UNC5D: variants seen among roughly 807,000 people sequenced by gnomAD.
UNC5D encodes netrin receptor UNC5D.
In UNC5D, 39 loss-of-function variants were observed where a neutral mutation model predicts 105.4. The ratio of observed to expected loss-of-function variants is 0.37; its 90% confidence interval spans 0.29 to 0.48. The LOEUF is 0.48. UNC5D is among the 20% of genes least tolerant of loss of function. The pLI is 0.98. For missense variants in UNC5D, 991 were observed against 1,202.4 expected (o/e 0.82, Z 2.60); for synonymous variants, 452 against 450.4 (o/e 1.00, Z -0.04).
At chr8:35,305,893 TTC>T (rs571356213) in intron 1 of UNC5D, among the ~76,000 whole-genome samples, 2,236 of 143,756 alleles carry the variant, frequency 0.016, 17 homozygotes, top group Middle Eastern at 0.039. Flanking sequence ...TTCTTTCTTT[TTC>T]TCTCTTTCTT....
intron 10 of UNC5D, among the ~76,000 whole-genome samples, chr8:35,730,774 T>TAA (rs60108920): frequency 3.4e-5 from 5 of 145,032 alleles, no homozygotes; most frequent in Non-Finnish European, 3.1e-5. Context: ...TGACTTAAAA[T>TAA]AAAAAAAAAA....
intron 4 of UNC5D, among the ~76,000 whole-genome samples, chr8:35,623,894 C>T (rs1257292888): frequency 6.6e-6 from 1 of 152,072 alleles, no homozygotes; most frequent in Non-Finnish European, 1.5e-5. Flanking sequence ...TCCTGGCTAA[C>T]ACGGTGAAAC....
rs368869958 is a variant in UNC5D at position 35,686,555 on chromosome 8, C to T, written c.930C>T (p.Ser310=). 6.4e-7 allele frequency: 1 copy of T among 1,574,308 alleles called. No homozygotes were observed. The highest frequency in any genetic ancestry group is 8.6e-7 in the Non-Finnish European group (1 of 1,166,530). The part of the protein sequence containing the change: ...TCTSLCPVDG[S]WEVWSEWSVC... ...TGTTTCCCTTTGAAGTGGATGGGAG[C>T]TGGGAAGTGTGGAGCGAATGGTCCG... The change falls in exon 7 of 17, where the codon AGC becomes AGT. Residue 310 remains serine, a synonymous_variant. Coordinates refer to ENST00000404895, the MANE Select transcript of UNC5D (RefSeq NM_080872.4).
chr8:35,363,384 G>C (rs1366980671), intron 1 of UNC5D, among the ~76,000 whole-genome samples: 2 of 152,042 alleles, frequency 1.3e-5, no homozygotes, highest in African/African-American at 2.4e-5. Context: ...ACAATATGGG[G>C]AAAACCACCC....
At chr8:35,617,506 C>G (rs1223851586) in intron 4 of UNC5D, among the ~76,000 whole-genome samples, 1 of 152,158 alleles carries the variant, frequency 6.6e-6, no homozygotes, top group East Asian at 1.9e-4. Flanking sequence ...TTGCATTGCA[C>G]AGCTCTCAAG....
At chr8:35,552,614 A>G (rs569585798) in intron 2 of UNC5D, among the ~76,000 whole-genome samples, 2 of 152,332 alleles carry the variant, frequency 1.3e-5, no homozygotes, top group East Asian at 1.9e-4. Flanking sequence ...ATAGCAAGCA[A>G]TGGTAGACAT....
intron 1 of UNC5D, among the ~76,000 whole-genome samples, chr8:35,319,445 G>A (rs1809555433): frequency 6.6e-6 from 1 of 152,114 alleles, no homozygotes; most frequent in Non-Finnish European, 1.5e-5. Context: ...GTGCATTTGG[G>A]TAAAGGTCAG....
intron 1 of UNC5D, among the ~76,000 whole-genome samples, chr8:35,275,511 T>A (rs1200942483): frequency 6.6e-6 from 1 of 152,186 alleles, no homozygotes; most frequent in Non-Finnish European, 1.5e-5. Flanking sequence ...AAATCTTTTA[T>A]TCATTTTCTT....
chr8:35,677,863 G>A (rs1429302110), intron 4 of UNC5D, among the ~76,000 whole-genome samples: 1 of 151,468 alleles, frequency 6.6e-6, no homozygotes, highest in Non-Finnish European at 1.5e-5. Flanking sequence ...AGCCATGAGA[G>A]TAGGTTTTTA....
At position 35,305,589 on chromosome 8, in the gene UNC5D, C is replaced by CTTTCTTTCTTTCA. The variant is rs1563297757; in HGVS notation, c.103+69714_103+69715insATTTCTTTCTTTC. ...TTTCTTTCTTTCTTTTTCTTTCTTT[C>CTTTCTTTCTTTCA]TTTCTTTCTTTCTTTCTTTCTTTCT... On this transcript the variant is annotated intron_variant, in intron 1 of 16. Transcript: ENST00000404895. Among the ~76,000 whole-genome samples the CTTTCTTTCTTTCA allele has an allele frequency of 2.4e-3, 149 of 61,672 alleles. 1 individual carries two copies. Among genetic ancestry groups the CTTTCTTTCTTTCA allele is most frequent in the South Asian group, 0.012 (26 of 2,154 alleles). 40.5% of individuals were successfully genotyped at this position (61,672 alleles called of 152,430 possible). A position where few individuals can be genotyped will look rare whatever the true frequency, so the allele number is the denominator to read the frequency against.
At chr8:35,271,424 T>C (rs1805319989) in intron 1 of UNC5D, among the ~76,000 whole-genome samples, 2 of 127,016 alleles carry the variant, frequency 1.6e-5, no homozygotes, top group South Asian at 5.1e-4. Context: ...TACACACACA[T>C]ATGTGTGTGT....
intron 1 of UNC5D, among the ~76,000 whole-genome samples, chr8:35,507,280 T>C (rs898901646): frequency 3.9e-4 from 60 of 151,964 alleles, no homozygotes; most frequent in East Asian, 7.8e-4. Flanking sequence ...TGGTCTCGAT[T>C]TCCTGACCTC....
chr8:35,587,994 A>ATAT (rs1563563728), intron 3 of UNC5D, among the ~76,000 whole-genome samples: 8 of 138,726 alleles, frequency 5.8e-5, no homozygotes, highest in Non-Finnish European at 7.8e-5. Context: ...ATATATATAT[A>ATAT]CTAATCCCAC....
At chr8:35,436,584 C>A (rs1423835616) in intron 1 of UNC5D, among the ~76,000 whole-genome samples, 1 of 151,972 alleles carries the variant, frequency 6.6e-6, no homozygotes, top group Non-Finnish European at 1.5e-5. Flanking sequence ...AGTTGGCATT[C>A]AGTTGGGTCA....
intron 1 of UNC5D, among the ~76,000 whole-genome samples, chr8:35,276,057 T>A (rs1402193242): frequency 1.3e-5 from 2 of 152,194 alleles, no homozygotes; most frequent in Non-Finnish European, 2.9e-5. Flanking sequence ...TCATGGAAAT[T>A]GAAGATACAA....
rs1802401187 is a variant in UNC5D at position 35,235,542 on chromosome 8, G to C, written c.-243G>C. 5.6e-6 allele frequency: 2 copies of C among 355,432 alleles called. No individual in the cohort carries two copies. The highest frequency in any genetic ancestry group is 2.1e-5 in the African/African-American group (1 of 47,262). The allele number at this position is 355,432 out of a possible 1,614,324, so 22.0% of individuals were successfully genotyped here. On this transcript the variant is annotated 5_prime_UTR_variant, in exon 1 of 17. Transcript: ENST00000404895. ...CGCGGCGGGGACTGCGGGCGACTCC[G>C]GCATCCGCGCTGGCGGCAGCGGTCG...
At chr8:35,662,186 CA>C (rs10692805) in intron 4 of UNC5D, among the ~76,000 whole-genome samples, 13,579 of 108,624 alleles carry the variant, frequency 0.13, 558 homozygotes, top group Middle Eastern at 0.15. Context: ...CAAAAGCTTT[CA>C]AAAAAAAAAA....
At chr8:35,594,200 G>A (rs1819351489) in intron 3 of UNC5D, among the ~76,000 whole-genome samples, 1 of 152,286 alleles carries the variant, frequency 6.6e-6, no homozygotes, top group South Asian at 2.1e-4. Context: ...GAAGACCTCC[G>A]AATATGTAGC....
At chr8:35,476,837 C>A (rs1810138126) in intron 1 of UNC5D, among the ~76,000 whole-genome samples, 1 of 152,116 alleles carries the variant, frequency 6.6e-6, no homozygotes, top group Non-Finnish European at 1.5e-5. Context: ...TTTTCCATTT[C>A]TTTCAAGCTT....
Sources: gnomAD v4.1 joint callset for allele counts (sites outside exome capture counted in the v4.1 genomes callset) on GRCh38, gnomAD v4.1.1 for gene constraint, MANE v1.5 for transcripts, NCBI Gene and HGNC (gene_info 2026-07-23, HGNC 2026-07-21) for gene names.